DTX4: variants seen among roughly 807,000 people sequenced by gnomAD.
DTX4 encodes E3 ubiquitin-protein ligase DTX4.
A neutral mutation model predicts 57.6 loss-of-function variants in DTX4; 28 were observed. The ratio of observed to expected loss-of-function variants is 0.49; its 90% CI spans 0.36 to 0.67. The LOEUF is 0.67. Among genes scored for constraint, DTX4 ranks in the 30% least tolerant of loss-of-function variants. The probability of loss-of-function intolerance (pLI) is 0.00; values close to 1 mark genes in which losing one functional copy is unlikely to be tolerated. For missense variants in DTX4, 715 were observed against 836.8 expected, an observed-to-expected ratio of 0.85 and a Z score of 1.80; for synonymous variants, 316 against 331.0, an observed-to-expected ratio of 0.95 and a Z score of 0.49.
At chr11:59,188,202 A>G (rs1862550562) in intron 2 of DTX4, among the ~76,000 whole-genome samples, 1 of 152,222 alleles carries the variant, frequency 6.6e-6, no homozygotes, top group African/African-American at 2.4e-5. Context: ...GGGGCATAAT[A>G]AGCAATAATT....
chr11:59,199,428 G>A (rs142689171), intron 7 of DTX4, among the ~76,000 whole-genome samples: 163 of 152,300 alleles, frequency 1.1e-3, no homozygotes, highest in African/African-American at 3.8e-3. Flanking sequence ...TCCTGTTAGA[G>A]AGATGGGGAA....
Position 59,188,929 on chromosome 11 carries a change from T to A in DTX4, c.997+133T>A, listed in dbSNP as rs1359285684. On this transcript the variant is annotated intron_variant, in intron 3 of 8. Transcript: ENST00000227451. ...GCAAATGGTGATTTTAGGAATTGCA[T>A]GGGAAGGGTATGAAGAGTTTGGAAG... 3.0e-6 allele frequency: 3 copies of A among 1,003,842 alleles called. No individual in the cohort carries two copies. The African/African-American group carries it at 4.9e-5, about 16-fold the overall frequency. The allele number at this position is 1,003,842 out of a possible 1,614,324, so 62.2% of individuals were successfully genotyped here.
rs1862827298 is a variant in DTX4 at position 59,207,409 on chromosome 11, T to G, written c.*2500T>G. The stretch of plus-strand genomic sequence containing the variant: ...GCTTTTGATTGTGTCTGTGCCCCCT[T>G]TCTTGTCCTCTCTGCAGATGCCCAG... On this transcript the variant is annotated 3_prime_UTR_variant, in exon 9 of 9. Transcript: ENST00000227451. 6.6e-6 allele frequency: 1 copy of G among 152,456 alleles called. No homozygotes were observed. Among genetic ancestry groups the G allele is most frequent in the Non-Finnish European group, 1.5e-5 (1 of 68,212 alleles). The allele number at this position is 152,456 out of a possible 1,614,324, so 9.4% of individuals were successfully genotyped here.
chr11:59,193,560 G>A (rs1194893798), intron 6 of DTX4, among the ~76,000 whole-genome samples: 1 of 152,094 alleles, frequency 6.6e-6, no homozygotes, highest in African/African-American at 2.4e-5. Context: ...TAGCACATTT[G>A]TTCCCTATTT....
At chr11:59,191,006 TGC>T in intron 4 of DTX4, 106 bp from the exon 5 acceptor site, 8 of 962,552 alleles carry the variant, frequency 8.3e-6, no homozygotes, top group Admixed American at 2.6e-5. Flanking sequence ...CTCCCCTTTT[TGC>T]TTTTAACTTG....
intron 7 of DTX4, among the ~76,000 whole-genome samples, chr11:59,195,677 G>T (rs1862657650): frequency 1.3e-5 from 2 of 151,988 alleles, no homozygotes; most frequent in African/African-American, 4.8e-5. Context: ...AATGTAGTCT[G>T]TAGATCTTTC....
At chr11:59,197,436 G>A (rs377394738) in intron 7 of DTX4, among the ~76,000 whole-genome samples, 4 of 152,282 alleles carry the variant, frequency 2.6e-5, no homozygotes, top group South Asian at 4.1e-4. Flanking sequence ...GAGGAAGCAT[G>A]AAGGAGATGG....
chr11:59,196,738 T>G (rs1039969049), intron 7 of DTX4, among the ~76,000 whole-genome samples: 4 of 152,040 alleles, frequency 2.6e-5, no homozygotes, highest in Admixed American at 2.6e-4. Context: ...GGTCGTGCAC[T>G]CCTTATGAGA....
Position 59,172,638 on chromosome 11 carries a change from G to A in DTX4, c.43G>A (p.Glu15Lys). The A allele has an allele frequency of 1.9e-6, 3 of 1,589,442 alleles. No individual in the cohort carries two copies. Among genetic ancestry groups the A allele is most frequent in the Non-Finnish European group, 2.6e-6 (3 of 1,173,844 alleles). Reference protein sequence around the residue: ...SAVVVWEWLNEHGRWRPYSPA... With the variant: ...SAVVVWEWLNKHGRWRPYSPA... ...CGTGGTGGTCTGGGAATGGCTGAAC[G>A]AGCACGGCCGCTGGCGTCCCTACAG... Residue 15 changes from glutamate (E) to lysine (K), a missense_variant, in exon 1 of 9, where the codon GAG (glutamate) becomes AAG (lysine). Physicochemically the swap from Glu to Lys is moderately conservative, Grantham distance 56. Coordinates refer to ENST00000227451, the MANE Select transcript of DTX4 (RefSeq NM_015177.2).
At chr11:59,188,928 A>T in intron 3 of DTX4, 132 bp downstream of exon 3, 1 of 1,004,918 alleles carries the variant, frequency 1.0e-6, no homozygotes, top group Non-Finnish European at 1.5e-6. Flanking sequence ...TAGGAATTGC[A>T]TGGGAAGGGT....
In DTX4 at chr11:59,205,463, C is replaced by T. The variant is rs1862794433; in HGVS notation, c.*554C>T. 1 of 157,132 alleles carries T rather than the reference C, an allele frequency of 6.4e-6. No homozygotes were observed. Among genetic ancestry groups the T allele is most frequent in the Admixed American group, 6.0e-5 (1 of 16,626 alleles). 9.7% of individuals were successfully genotyped at this position (157,132 alleles called of 1,614,324 possible). ...TGCCTTGGTGTAGAGCAAGGAAGCA[C>T]TTCTTCCCAAGAGGGTCGGAGAAGG... On this transcript the variant is annotated 3_prime_UTR_variant, in exon 9 of 9. Coordinates refer to ENST00000227451, the MANE Select transcript of DTX4 (RefSeq NM_015177.2).
Position 59,206,509 on chromosome 11 carries a change from G to GTATATATATATATATATATA in DTX4, c.*1602_*1621dup, listed in dbSNP as rs3837398. 3.2e-3 allele frequency: 451 copies of GTATATATATATATATATATA among 142,076 alleles called. 5 individuals are homozygous for GTATATATATATATATATATA. The highest frequency in any genetic ancestry group is 0.011 in the African/African-American group (428 of 37,828). The allele number at this position is 142,076 out of a possible 1,614,324, so 8.8% of individuals were successfully genotyped here. A position where few individuals can be genotyped will look rare whatever the true frequency, so the allele number is the denominator to read the frequency against. ...ATACCTCATGTTTTGGGGGTTTGACGTATATATATATATATATATATGCAT... is the reference window on the plus strand; with the variant it reads ...ATACCTCATGTTTTGGGGGTTTGACGTATATATATATATATATATATATATATATATATATATATATGCAT... On this transcript the variant is annotated 3_prime_UTR_variant, in exon 9 of 9. Coordinates refer to ENST00000227451, the MANE Select transcript of DTX4 (RefSeq NM_015177.2).
upstream of DTX4, among the ~76,000 whole-genome samples, chr11:59,172,066 G>C (rs1862330480): frequency 6.6e-6 from 1 of 151,346 alleles, no homozygotes; most frequent in Non-Finnish European, 1.5e-5. Context: ...CCAGCGGCGG[G>C]GACTGCAATT....
In DTX4 at chr11:59,208,551, T is replaced by G. The variant is rs1395195195; in HGVS notation, c.*3642T>G. 1 of 152,236 alleles carries G rather than the reference T, an allele frequency of 6.6e-6. No individual in the cohort carries two copies. The highest frequency in any genetic ancestry group is 2.4e-5 in the African/African-American group (1 of 41,452). 9.4% of individuals were successfully genotyped at this position (152,236 alleles called of 1,614,324 possible). A position where few individuals can be genotyped will look rare whatever the true frequency, so the allele number is the denominator to read the frequency against. ...TGTTTAATATTAATCATTCCCAAAC[T>G]GACAAGAACACAAAAATAAAATGCA... On this transcript the variant is annotated 3_prime_UTR_variant, in exon 9 of 9. Transcript: ENST00000227451.
chr11:59,205,389 G>A lies in DTX4; in HGVS notation c.*480G>A, dbSNP rs1862792986. 5.9e-6 allele frequency: 1 copy of A among 170,776 alleles called. No individual in the cohort carries two copies. The highest frequency in any genetic ancestry group is 1.3e-5 in the Non-Finnish European group (1 of 77,116). 10.6% of individuals were successfully genotyped at this position (170,776 alleles called of 1,614,324 possible). On this transcript the variant is annotated 3_prime_UTR_variant, in exon 9 of 9. Transcript: ENST00000227451. Reference sequence around the variant, plus strand: ...GGAGCTCTCACTGTGCAAGGTTGGGGGGTGGGCAAAGGGGTGAATCACTAA... The same window carrying A: ...GGAGCTCTCACTGTGCAAGGTTGGGAGGTGGGCAAAGGGGTGAATCACTAA...
intron 8 of DTX4, among the ~76,000 whole-genome samples, chr11:59,199,984 A>T (rs956408399): frequency 2.6e-5 from 4 of 152,166 alleles, no homozygotes; most frequent in African/African-American, 9.7e-5. Flanking sequence ...GGGAGTGGAC[A>T]TTTAGTTTGT....
intron 8 of DTX4, among the ~76,000 whole-genome samples, chr11:59,201,878 CAT>C (rs1408397331): frequency 2.0e-5 from 3 of 152,200 alleles, no homozygotes; most frequent in Non-Finnish European, 4.4e-5. Context: ...ATGTTAATGA[CAT>C]ATTCAGAGTC....
chr11:59,196,255 C>A lies in DTX4; in HGVS notation c.1536+886C>A, dbSNP rs117473184. 6.9e-3 allele frequency among the ~76,000 whole-genome samples: 1,052 copies of A among 152,326 alleles called. 5 individuals are homozygous for A. The highest frequency in any genetic ancestry group is 0.011 in the Non-Finnish European group (781 of 68,028). Reference sequence around the variant, plus strand: ...AGCAAAGTAGACGCAATCCTTGCTCCTTGAAGCCCCTATTCTAGTGGGGCC... The same window carrying A: ...AGCAAAGTAGACGCAATCCTTGCTCATTGAAGCCCCTATTCTAGTGGGGCC... On this transcript the variant is annotated intron_variant, in intron 7 of 8. Transcript: ENST00000227451.
At chr11:59,174,347 G>C (rs140431906) in intron 1 of DTX4, among the ~76,000 whole-genome samples, 1 of 151,794 alleles carries the variant, frequency 6.6e-6, no homozygotes, top group Non-Finnish European at 1.5e-5. Context: ...ATGTCATTGC[G>C]CAACTTGGGT....
Sources: gnomAD v4.1 joint callset for allele counts (sites outside exome capture counted in the v4.1 genomes callset) on GRCh38, gnomAD v4.1.1 for gene constraint, MANE v1.5 for transcripts, NCBI Gene and HGNC (gene_info 2026-07-23, HGNC 2026-07-21) for gene names.